The following PBRM1 variants were observed in gnomAD, a reference collection of about 807,000 sequenced individuals.
The protein encoded by PBRM1 is polybromo 1.
A neutral mutation model predicts 194.5 loss-of-function variants in PBRM1; 27 were observed. That is an observed-to-expected ratio of 0.14 (90% CI 0.10 to 0.19). The LOEUF (loss-of-function observed/expected upper bound fraction) is 0.19, where lower values mean the gene tolerates loss of function less well. PBRM1 is among the 10% of genes least tolerant of loss of function. The pLI is 1.00. For missense variants in PBRM1, 1,466 were observed against 2,077.2 expected, an observed-to-expected ratio of 0.71 and a Z score of 5.72; for synonymous variants, 655 against 693.2, an observed-to-expected ratio of 0.94 and a Z score of 0.87.
rs2153929428 is a variant in PBRM1 at position 52,662,264 on chromosome 3, C to A, written c.397G>T (p.Glu133Ter). The A allele has an allele frequency of 6.2e-7, 1 of 1,610,088 alleles. No individual in the cohort carries two copies. Among genetic ancestry groups the A allele is most frequent in the Admixed American group, 1.7e-5 (1 of 59,334 alleles). Residue 133 changes from glutamate to a stop codon, truncating the protein, a stop_gained, in exon 4 of 30, where the codon GAA becomes TAA. Transcript: ENST00000296302. LOFTEE classifies it high-confidence loss of function. ...CAGAGTTTGCAAGCGGCTTTATATT[C>A]AGGAGAATCTGGCTGTATGTTAGCA... is the stretch of plus-strand genomic sequence containing the variant.
chr3:52,666,672 C>A (rs1350084135), intron 3 of PBRM1, among the ~76,000 whole-genome samples: 1 of 152,162 alleles, frequency 6.6e-6, no homozygotes, highest in East Asian at 1.9e-4. Context: ...GGGTCAATCG[C>A]TTGAGCCCAG....
upstream of PBRM1, among the ~76,000 whole-genome samples, chr3:52,682,594 A>T (rs2097222883): frequency 6.6e-6 from 1 of 152,202 alleles, no homozygotes; most frequent in African/African-American, 2.4e-5. Context: ...TATCCATGGG[A>T]CACATTTTAA....
intron 11 of PBRM1, among the ~76,000 whole-genome samples, chr3:52,631,134 T>C (rs2095603921): frequency 2.0e-5 from 3 of 152,134 alleles, no homozygotes; most frequent in East Asian, 1.9e-4. Flanking sequence ...CCTACTTGTA[T>C]ACAGGACCTC....
At chr3:52,638,743 A>G (rs2095931887) in intron 10 of PBRM1, among the ~76,000 whole-genome samples, 1 of 151,440 alleles carries the variant, frequency 6.6e-6, no homozygotes, top group South Asian at 2.1e-4. Context: ...ACAGACATGC[A>G]CCACACCACG....
chr3:52,660,046 G>A (rs1033480475), intron 4 of PBRM1, among the ~76,000 whole-genome samples: 1 of 152,190 alleles, frequency 6.6e-6, no homozygotes, highest in African/African-American at 2.4e-5. Context: ...AGCTGTGATC[G>A]TGCCATTGCA....
At chr3:52,617,039 C>A (rs553491343) in intron 14 of PBRM1, among the ~76,000 whole-genome samples, 1 of 151,994 alleles carries the variant, frequency 6.6e-6, no homozygotes, top group African/African-American at 2.4e-5. Context: ...CAGGGACTGG[C>A]AGAGCAAAAT....
intron 25 of PBRM1, among the ~76,000 whole-genome samples, chr3:52,561,405 T>C (rs2083487227): frequency 6.6e-6 from 1 of 152,200 alleles, no homozygotes. Context: ...AAGAGGCCCT[T>C]TTCAGACGAA....
intron 27 of PBRM1, among the ~76,000 whole-genome samples, chr3:52,551,019 A>G (rs1224089691): frequency 1.3e-5 from 2 of 152,262 alleles, no homozygotes; most frequent in Non-Finnish European, 2.9e-5. Context: ...GTATAATACT[A>G]GAACAATCTG....
intron 15 of PBRM1, among the ~76,000 whole-genome samples, chr3:52,613,488 T>C (rs2094768055): frequency 6.6e-6 from 1 of 151,142 alleles, no homozygotes; most frequent in African/African-American, 2.5e-5. Flanking sequence ...GGTACATGCA[T>C]GTGCCACCAC....
intron 7 of PBRM1, among the ~76,000 whole-genome samples, chr3:52,646,744 A>G (rs1189666525): frequency 1.3e-5 from 2 of 152,226 alleles, no homozygotes; most frequent in Admixed American, 1.3e-4. Context: ...TACCTCACAT[A>G]TATAAAAATT....
chr3:52,582,401 A>G (rs1238577700), intron 20 of PBRM1, among the ~76,000 whole-genome samples: 1 of 148,508 alleles, frequency 6.7e-6, no homozygotes. Flanking sequence ...GCTGACTTCC[A>G]TTGATAATTC....
intron 2 of PBRM1, among the ~76,000 whole-genome samples, chr3:52,674,979 A>G (rs1010768594): frequency 3.9e-5 from 6 of 151,998 alleles, no homozygotes; most frequent in Admixed American, 3.9e-4. Flanking sequence ...AAAAGACAGA[A>G]AGGAGGAGGG....
chr3:52,634,771 A>C (rs896608828), exon 11 of PBRM1: 1 of 1,613,958 alleles, frequency 6.2e-7, no homozygotes, highest in Non-Finnish European at 8.5e-7. Context: ...TCCATAAAGG[A>C]AGTGATGCTT....
intron 13 of PBRM1, among the ~76,000 whole-genome samples, chr3:52,622,057 A>G (rs2153535760): frequency 6.6e-6 from 1 of 151,720 alleles, no homozygotes; most frequent in Admixed American, 6.6e-5. Context: ...AAAGACAAAA[A>G]GGCCAAGCAT....
At chr3:52,630,915 T>C (rs866922322) in intron 11 of PBRM1, among the ~76,000 whole-genome samples, 25 of 152,234 alleles carry the variant, frequency 1.6e-4, no homozygotes, top group African/African-American at 5.5e-4. Context: ...ATTTAAATAA[T>C]TTAAAAATAA....
intron 15 of PBRM1, among the ~76,000 whole-genome samples, chr3:52,613,484 T>C (rs974857661): frequency 6.6e-6 from 1 of 151,422 alleles, no homozygotes; most frequent in African/African-American, 2.4e-5. Flanking sequence ...CACAGGTACA[T>C]GCATGTGCCA....
intron 10 of PBRM1, among the ~76,000 whole-genome samples, chr3:52,635,115 T>C (rs932261913): frequency 1.3e-5 from 2 of 152,108 alleles, no homozygotes; most frequent in Non-Finnish European, 1.5e-5. Flanking sequence ...TCAGTAGAGA[T>C]GGGGTTTCGT....
chr3:52,599,018 CA>C (rs59170143), intron 17 of PBRM1, among the ~76,000 whole-genome samples: 23,838 of 111,402 alleles, frequency 0.21, 1,916 homozygotes, highest in African/African-American at 0.34. Flanking sequence ...CCAGATATCT[CA>C]AAAAAAAAAA....
At chr3:52,599,586 C>T (rs1209059501) in intron 17 of PBRM1, among the ~76,000 whole-genome samples, 3 of 150,008 alleles carry the variant, frequency 2.0e-5, no homozygotes, top group African/African-American at 4.9e-5. Flanking sequence ...CCGAGGCGGG[C>T]GGATCATGAG....
Sources: gnomAD v4.1 joint callset for allele counts (sites outside exome capture counted in the v4.1 genomes callset) on GRCh38, gnomAD v4.1.1 for gene constraint, MANE v1.5 for transcripts, NCBI Gene and HGNC (gene_info 2026-07-23, HGNC 2026-07-21) for gene names.